The following DOCK4 variants were observed in gnomAD, a reference collection of about 807,000 sequenced individuals.
DOCK4 encodes dedicator of cytokinesis 4.
In DOCK4, 97 loss-of-function variants were observed where a neutral mutation model predicts 268.1. The ratio of observed to expected loss-of-function variants is 0.36; its 90% CI spans 0.31 to 0.43. DOCK4 has a LOEUF of 0.43. DOCK4 is among the 20% of genes least tolerant of loss of function. The pLI, the probability that DOCK4 is intolerant of heterozygous loss-of-function variation, is 1.00. For missense variants in DOCK4, 2,145 were observed against 2,455.7 expected, an observed-to-expected ratio of 0.87 and a Z score of 2.67; for synonymous variants, 954 against 887.2, an observed-to-expected ratio of 1.08 and a Z score of -1.34.
intron 1 of DOCK4, among the ~76,000 whole-genome samples, chr7:112,029,623 T>A (rs1455761993): frequency 1.3e-5 from 2 of 152,196 alleles, no homozygotes. Flanking sequence ...TCTGGTTGAA[T>A]AATCTAAAAT....
rs139510995 is a variant in DOCK4 at position 111,826,738 on chromosome 7, G to A, written c.2836-4282C>T. 5.6e-3 allele frequency among the ~76,000 whole-genome samples: 854 copies of A among 152,198 alleles called. 11 individuals are homozygous for A. The highest frequency in any genetic ancestry group is 0.02 in the African/African-American group (815 of 41,512). On this transcript the variant is annotated intron_variant, in intron 26 of 52. Coordinates refer to ENST00000428084, the MANE Select transcript of DOCK4 (RefSeq NM_001363540.2). ...ATGGGGGATTACAAAAGAAGGGAGG[G>A]AGGGAGAAAGAAAAGGGCTGAAAAA...
At chr7:111,998,595 G>A in intron 3 of DOCK4, 92 bp from the exon 4 acceptor site, 1 of 861,196 alleles carries the variant, frequency 1.2e-6, no homozygotes, top group Non-Finnish European at 1.7e-6. Flanking sequence ...ATACAACCAT[G>A]ACAACATCAG....
intron 26 of DOCK4, among the ~76,000 whole-genome samples, chr7:111,827,019 T>C (rs910276971): frequency 1.3e-5 from 2 of 152,104 alleles, no homozygotes; most frequent in African/African-American, 4.8e-5. Flanking sequence ...AAACAAAGCA[T>C]CATGAGGCTG....
chr7:111,883,634 T>A (rs973452957), intron 16 of DOCK4, among the ~76,000 whole-genome samples: 7 of 152,292 alleles, frequency 4.6e-5, no homozygotes, highest in African/African-American at 1.4e-4. Flanking sequence ...ACCACTTGTA[T>A]GAGTGAGGGT....
rs563651781 is a variant in DOCK4 at position 112,020,664 on chromosome 7, G to T, written c.38-16533C>A. Among the ~76,000 whole-genome samples the T allele has an allele frequency of 5.1e-5, 6 of 118,140 alleles. No individual in the cohort carries two copies. The East Asian group carries it at 1.5e-3, about 29-fold the overall frequency. 77.5% of individuals were successfully genotyped at this position (118,140 alleles called of 152,430 possible). On this transcript the variant is annotated intron_variant, in intron 1 of 52. Coordinates refer to ENST00000428084, the MANE Select transcript of DOCK4 (RefSeq NM_001363540.2). ...AACTGACTTGGCTTTCTATGCCAAA[G>T]AGTCACTGGTACCCTAAAAGTAAAA...
chr7:111,734,281 C>T (rs1429513376), intron 51 of DOCK4, among the ~76,000 whole-genome samples: 2 of 152,000 alleles, frequency 1.3e-5, no homozygotes, highest in Non-Finnish European at 2.9e-5. Context: ...TTCACTGCAA[C>T]CTCTGACTTC....
At chr7:111,886,169 A>G (rs1037007117) in intron 16 of DOCK4, among the ~76,000 whole-genome samples, 1 of 152,194 alleles carries the variant, frequency 6.6e-6, no homozygotes, top group Non-Finnish European at 1.5e-5. Context: ...TAACTTGTGA[A>G]AAGTAGGTAA....
At chr7:112,004,922 A>C (rs1011806130) in intron 1 of DOCK4, among the ~76,000 whole-genome samples, 2 of 152,218 alleles carry the variant, frequency 1.3e-5, no homozygotes, top group Non-Finnish European at 2.9e-5. Context: ...GTACGCACAG[A>C]TTAGTCCTTT....
intron 35 of DOCK4, among the ~76,000 whole-genome samples, chr7:111,780,298 T>C (rs1009149550): frequency 1.3e-5 from 2 of 152,246 alleles, no homozygotes; most frequent in African/African-American, 4.8e-5. Flanking sequence ...CCCTCTTTTA[T>C]TCTTGTCTCC....
At chr7:112,165,101 ATG>A (rs761978832) in intron 1 of DOCK4, among the ~76,000 whole-genome samples, 10 of 152,178 alleles carry the variant, frequency 6.6e-5, no homozygotes, top group Non-Finnish European at 1.3e-4. Context: ...AATTATTTTT[ATG>A]TGTACAAGTT....
At chr7:112,085,879 A>G (rs777275327) in intron 1 of DOCK4, among the ~76,000 whole-genome samples, 1 of 152,108 alleles carries the variant, frequency 6.6e-6, no homozygotes, top group Non-Finnish European at 1.5e-5. Flanking sequence ...GCTATGAGAC[A>G]TTTTTGCCAA....
intron 32 of DOCK4, among the ~76,000 whole-genome samples, chr7:111,787,531 A>AC (rs1345194988): frequency 2.0e-5 from 3 of 152,158 alleles, no homozygotes; most frequent in Non-Finnish European, 4.4e-5. Flanking sequence ...AAATCTCTAT[A>AC]CCCTTCTTGG....
At chr7:111,908,944 G>A (rs994786884) in intron 13 of DOCK4, among the ~76,000 whole-genome samples, 1 of 152,154 alleles carries the variant, frequency 6.6e-6, no homozygotes, top group Admixed American at 6.5e-5. Context: ...ATGGGCATTT[G>A]GGTTGGTTCC....
chr7:111,815,747 C>T (rs982379677), intron 27 of DOCK4, among the ~76,000 whole-genome samples: 1 of 150,070 alleles, frequency 6.7e-6, no homozygotes, highest in African/African-American at 2.4e-5. Context: ...TCTCTGCTCA[C>T]TGCAACCTCT....
intron 49 of DOCK4, among the ~76,000 whole-genome samples, chr7:111,737,465 G>A (rs1795585993): frequency 6.6e-6 from 1 of 151,998 alleles, no homozygotes; most frequent in African/African-American, 2.4e-5. Flanking sequence ...TGCTACAGTG[G>A]TGATATAAAA....
chr7:112,023,318 T>C (rs900288434), intron 1 of DOCK4, among the ~76,000 whole-genome samples: 33 of 152,320 alleles, frequency 2.2e-4, no homozygotes, highest in Middle Eastern at 3.4e-3. Context: ...GCATTGAAGC[T>C]GTGAGATGTA....
intron 1 of DOCK4, among the ~76,000 whole-genome samples, chr7:112,075,159 G>A (rs775749784): frequency 2.6e-5 from 4 of 152,138 alleles, no homozygotes; most frequent in Non-Finnish European, 5.9e-5. Context: ...ATAACAGTGG[G>A]GTCAGGGAAA....
At chr7:111,809,459 A>T (rs1370571064) in intron 28 of DOCK4, 58 bp from the exon 29 acceptor site, 1 of 1,407,934 alleles carries the variant, frequency 7.1e-7, no homozygotes, top group Non-Finnish European at 9.8e-7. Context: ...TGACAGGTGA[A>T]GTGACATAGT....
chr7:111,769,715 C>T, intron 36 of DOCK4, 38 bp from the exon 37 acceptor site: 1 of 1,586,830 alleles, frequency 6.3e-7, no homozygotes, highest in East Asian at 2.3e-5. Flanking sequence ...TGAGACAGGA[C>T]CCCAAGCCAC....
Sources: gnomAD v4.1 joint callset for allele counts (sites outside exome capture counted in the v4.1 genomes callset) on GRCh38, gnomAD v4.1.1 for gene constraint, MANE v1.5 for transcripts, NCBI Gene and HGNC (gene_info 2026-07-23, HGNC 2026-07-21) for gene names.